Variants in CCDC150 observed in about 807,000 individuals in gnomAD.
CCDC150 encodes coiled-coil domain containing 150.
Under a neutral mutation model 156.5 loss-of-function variants are expected in CCDC150, and 151 were observed. The ratio of observed to expected loss-of-function variants is 0.97; its 90% confidence interval spans 0.85 to 1.10. CCDC150 has a LOEUF of 1.10. Among genes scored for constraint, CCDC150 ranks in the 50% least tolerant of loss-of-function variants. The pLI is 0.00. For synonymous variants in CCDC150, 452 were observed against 429.4 expected, an observed-to-expected ratio of 1.05 and a Z score of -0.65; for missense variants, 1,312 against 1,268.1, an observed-to-expected ratio of 1.03 and a Z score of -0.53.
chr2:196,724,560 G>T (rs1039137203), intron 21 of CCDC150, among the ~76,000 whole-genome samples: 1 of 151,960 alleles, frequency 6.6e-6, no homozygotes, highest in Non-Finnish European at 1.5e-5. Flanking sequence ...GGTTACTGTT[G>T]TTATTCCCAT....
chr2:196,640,608 C>T (rs1255328646), intron 1 of CCDC150, among the ~76,000 whole-genome samples: 1 of 152,178 alleles, frequency 6.6e-6, no homozygotes, highest in African/African-American at 2.4e-5. Context: ...CGGATTCTTC[C>T]TTAATAAGTT....
intron 6 of CCDC150, among the ~76,000 whole-genome samples, 168 bp downstream of exon 6, chr2:196,665,851 C>T (rs1199898070): frequency 6.6e-6 from 1 of 151,732 alleles, no homozygotes; most frequent in Non-Finnish European, 1.5e-5. Context: ...TAAGTTAGTG[C>T]AAAATAAGAA....
At chr2:196,639,803 G>A in intron 1 of CCDC150, 25 bp downstream of exon 1, 1 of 1,573,986 alleles carries the variant, frequency 6.4e-7, no homozygotes, top group East Asian at 2.3e-5. Flanking sequence ...CCCCGGGCTG[G>A]TGAGGGGTGG....
At position 196,701,113 on chromosome 2, in the gene CCDC150, C is replaced by A; in HGVS notation, c.1628C>A (p.Ala543Asp). 1.2e-6 allele frequency: 2 copies of A among 1,606,234 alleles called. No individual in the cohort carries two copies. The highest frequency in any genetic ancestry group is 1.1e-5 in the South Asian group (1 of 89,256). ...TGCCTTTGTTTGCCTTATCAGCTTGCCCAACAGAAGGTGGAAAAAATCACT... is the reference window on the plus strand; with the variant it reads ...TGCCTTTGTTTGCCTTATCAGCTTGACCAACAGAAGGTGGAAAAAATCACT... ...QQVTSDYHGL[A>D]QQKVEKITES... The change falls in exon 15 of 28, where the codon GCC (alanine) becomes GAC (aspartate). Residue 543 changes from alanine (A) to aspartate (D), a missense_variant. Physicochemically the swap from Ala to Asp is moderately radical, Grantham distance 126. Coordinates refer to ENST00000389175, the MANE Select transcript of CCDC150 (RefSeq NM_001080539.2).
intron 17 of CCDC150, among the ~76,000 whole-genome samples, chr2:196,716,824 A>G (rs1697535656): frequency 7.1e-6 from 1 of 141,734 alleles, no homozygotes; most frequent in Admixed American, 7.0e-5. Context: ...TCAAAAATGT[A>G]TTAAATGTTT....
rs931694881 is a variant in CCDC150, at chr2:196,726,698, C to T, written c.2556+599C>T. 2.6e-5 allele frequency: 4 copies of T among 152,718 alleles called. No homozygotes were observed. In the East Asian group the frequency reaches 5.8e-4, roughly 22 times the overall value. 9.5% of individuals were successfully genotyped at this position (152,718 alleles called of 1,614,324 possible). A position where few individuals can be genotyped will look rare whatever the true frequency, so the allele number is the denominator to read the frequency against. Reference sequence around the variant, plus strand: ...CTAGCAGAAATGGCAGGGCTGGACACCTTATGAAACAGCACAGGCCATGCT... The same window carrying T: ...CTAGCAGAAATGGCAGGGCTGGACATCTTATGAAACAGCACAGGCCATGCT... On this transcript the variant is annotated intron_variant, in intron 22 of 27. Transcript: ENST00000389175.
rs572963271 is a variant in CCDC150, at chr2:196,696,069, C to A, written c.1623+910C>A. Among the ~76,000 whole-genome samples, 14 of 152,262 alleles carry A rather than the reference C, an allele frequency of 9.2e-5. No individual in the cohort carries two copies. The South Asian group carries it at 2.7e-3, about 29-fold the overall frequency. On this transcript the variant is annotated intron_variant, in intron 14 of 27. Transcript: ENST00000389175. ...AAAATTATACAGACTAAGTCTAAAT[C>A]TTCTTATATGGTCATGGTTTTCAAG...
chr2:196,642,393 C>T (rs2125561379), intron 1 of CCDC150, among the ~76,000 whole-genome samples: 1 of 152,318 alleles, frequency 6.6e-6, no homozygotes, highest in South Asian at 2.1e-4. Context: ...GGTGGCATTT[C>T]TGCTACCACT....
intron 1 of CCDC150, among the ~76,000 whole-genome samples, chr2:196,644,587 A>C (rs953998787): frequency 2.6e-5 from 4 of 151,972 alleles, no homozygotes; most frequent in Non-Finnish European, 2.9e-5. Context: ...GAGGAGCCCC[A>C]CTTCGAATAT....
intron 21 of CCDC150, among the ~76,000 whole-genome samples, chr2:196,722,261 C>T (rs1697964128): frequency 1.3e-5 from 2 of 152,064 alleles, no homozygotes; most frequent in African/African-American, 2.4e-5. Flanking sequence ...TGTGCACGTA[C>T]ATCTTTATTC....
At chr2:196,731,018 A>G in intron 26 of CCDC150, 73 bp downstream of exon 26, 7 of 1,088,068 alleles carry the variant, frequency 6.4e-6, no homozygotes, top group Non-Finnish European at 6.7e-6. Context: ...ACCCAAGTCA[A>G]TGTGAAATCC....
At chr2:196,718,344 G>A (rs1327558649) in intron 17 of CCDC150, 159 bp from the exon 18 acceptor site, 2 of 464,354 alleles carry the variant, frequency 4.3e-6, no homozygotes, top group Non-Finnish European at 7.4e-6. Context: ...TATTTTTGTT[G>A]TAGTTTCCTT....
At chr2:196,722,985 T>C (rs1354798148) in intron 21 of CCDC150, among the ~76,000 whole-genome samples, 1 of 152,212 alleles carries the variant, frequency 6.6e-6, no homozygotes, top group South Asian at 2.1e-4. Flanking sequence ...CTGCTTATGA[T>C]AATAGTTTGT....
chr2:196,647,890 A>T (rs942765445), intron 2 of CCDC150, among the ~76,000 whole-genome samples: 3 of 152,172 alleles, frequency 2.0e-5, no homozygotes, highest in African/African-American at 7.2e-5. Context: ...TCTGACGAAC[A>T]ATCTCTTCTT....
intron 10 of CCDC150, among the ~76,000 whole-genome samples, chr2:196,675,784 T>C (rs1352472172): frequency 6.6e-6 from 1 of 152,172 alleles, no homozygotes; most frequent in African/African-American, 2.4e-5. Context: ...TTATATTGTT[T>C]TACTTTTAAA....
intron 5 of CCDC150, among the ~76,000 whole-genome samples, chr2:196,660,726 T>C (rs771675499): frequency 4.5e-4 from 68 of 152,348 alleles, no homozygotes; most frequent in Middle Eastern, 3.4e-3. Flanking sequence ...AGATGTGTTA[T>C]GCAATTATTT....
intron 2 of CCDC150, among the ~76,000 whole-genome samples, chr2:196,647,307 A>G (rs1331514514): frequency 6.6e-6 from 1 of 152,148 alleles, no homozygotes; most frequent in Non-Finnish European, 1.5e-5. Flanking sequence ...TCACTATAAT[A>G]GAATTAACAT....
In CCDC150 at chr2:196,732,549, TAC is replaced by T. The variant is rs1698581768; in HGVS notation, c.3295_3296del (p.Gln1099GlufsTer14). 6.2e-7 allele frequency: 1 copy of T among 1,609,154 alleles called. No individual in the cohort carries two copies. The highest frequency in any genetic ancestry group is 1.3e-5 in the African/African-American group (1 of 74,896). ...ATGCCCAAGAAGTATCATTCTGAGGTACAGAGGAAGTGATGTCCTTGACAAGG... is the reference window on the plus strand; with the variant it reads ...ATGCCCAAGAAGTATCATTCTGAGGTAGAGGAAGTGATGTCCTTGACAAGG... On this transcript the variant is annotated frameshift_variant, in exon 28 of 28. Transcript: ENST00000389175. LOFTEE classifies it high-confidence loss of function.
In CCDC150 at chr2:196,712,222, G is replaced by A. The variant is rs1697178448; in HGVS notation, c.1773G>A (p.Met591Ile). The A allele has an allele frequency of 6.4e-7, 1 of 1,567,996 alleles. No individual in the cohort carries two copies. Among genetic ancestry groups the A allele is most frequent in the Non-Finnish European group, 8.7e-7 (1 of 1,151,188 alleles). Residue 591 changes from methionine (M) to isoleucine (I), a missense_variant, in exon 16 of 28, where the codon ATG (methionine) becomes ATA (isoleucine). By Grantham distance (10) the Met-to-Ile change is conservative. Transcript: ENST00000389175. ...TSLQNDHLRK[M>I]NKYLQTKYAQ... ...TACAGAATGATCATCTACGCAAGAT[G>A]AATAAGTATTTACAGACTAAATATG...
Sources: gnomAD v4.1 joint callset for allele counts (sites outside exome capture counted in the v4.1 genomes callset) on GRCh38, gnomAD v4.1.1 for gene constraint, MANE v1.5 for transcripts, NCBI Gene and HGNC (gene_info 2026-07-23, HGNC 2026-07-21) for gene names.